The following CNTNAP2 variants were observed in gnomAD, a reference collection of about 807,000 sequenced individuals.
CNTNAP2 encodes contactin associated protein 2, also known as contactin-associated protein-like 2.
CNTNAP2 carries 98 observed loss-of-function variants against 155.2 expected under a neutral mutation model. The ratio of observed to expected loss-of-function variants is 0.63; its 90% CI spans 0.54 to 0.75. CNTNAP2 has a LOEUF of 0.75. Among genes scored for constraint, CNTNAP2 ranks in the 30% least tolerant of loss-of-function variants. The pLI is 0.00. For synonymous variants in CNTNAP2, 651 were observed against 631.2 expected (o/e 1.03, Z -0.47); for missense variants, 1,727 against 1,688.1 (o/e 1.02, Z -0.40).
At chr7:147,060,788 T>A (rs111313677) in intron 4 of CNTNAP2, among the ~76,000 whole-genome samples, 1 of 151,290 alleles carries the variant, frequency 6.6e-6, no homozygotes, top group Non-Finnish European at 1.5e-5. Context: ...GGCGTGAACC[T>A]GGGAGGCGGA....
intron 8 of CNTNAP2, among the ~76,000 whole-genome samples, chr7:147,231,435 T>G (rs1252701714): frequency 6.6e-6 from 1 of 152,242 alleles, no homozygotes; most frequent in Non-Finnish European, 1.5e-5. Flanking sequence ...TTTTATTTCC[T>G]TTTGATATAT....
intron 1 of CNTNAP2, among the ~76,000 whole-genome samples, chr7:146,299,416 T>G (rs1355868710): frequency 6.6e-6 from 1 of 152,138 alleles, no homozygotes; most frequent in African/African-American, 2.4e-5. Context: ...TTTATTTATT[T>G]TAGAGTTGGA....
chr7:147,392,994 C>T (rs1313313274), intron 9 of CNTNAP2, among the ~76,000 whole-genome samples: 1 of 151,966 alleles, frequency 6.6e-6, no homozygotes, highest in Admixed American at 6.6e-5. Context: ...ATTACCTCTC[C>T]TGGGCCACTC....
intron 3 of CNTNAP2, among the ~76,000 whole-genome samples, chr7:146,945,774 T>G (rs374707108): frequency 2.5e-4 from 38 of 152,350 alleles, no homozygotes; most frequent in African/African-American, 9.1e-4. Flanking sequence ...AAATCCATGT[T>G]GGAAATGTAA....
chr7:148,214,035 G>A (rs935356275), intron 18 of CNTNAP2, among the ~76,000 whole-genome samples: 3 of 152,146 alleles, frequency 2.0e-5, no homozygotes, highest in African/African-American at 4.8e-5. Context: ...CTTCATCTCC[G>A]CCACCTACCT....
At chr7:147,259,119 A>C (rs1804398658) in intron 8 of CNTNAP2, among the ~76,000 whole-genome samples, 1 of 152,234 alleles carries the variant, frequency 6.6e-6, no homozygotes. Flanking sequence ...TTGTGGTCAG[A>C]AGACATGTAT....
intron 1 of CNTNAP2, among the ~76,000 whole-genome samples, chr7:146,728,372 T>C (rs1182716104): frequency 2.0e-5 from 3 of 152,144 alleles, no homozygotes; most frequent in East Asian, 1.9e-4. Flanking sequence ...TTATCAGATA[T>C]GCAATGGAGA....
chr7:148,247,811 G>A (rs181350419), intron 20 of CNTNAP2, among the ~76,000 whole-genome samples: 42 of 151,128 alleles, frequency 2.8e-4, no homozygotes, highest in African/African-American at 1.0e-3. Context: ...GTGCCACCAC[G>A]CCTGGCTAAT....
intron 1 of CNTNAP2, among the ~76,000 whole-genome samples, chr7:146,687,915 G>T (rs1800630527): frequency 1.3e-5 from 2 of 152,148 alleles, no homozygotes; most frequent in African/African-American, 4.8e-5. Flanking sequence ...GTGTGTGTGA[G>T]TTCAAGTGGT....
chr7:147,251,480 T>C (rs1310983777), intron 8 of CNTNAP2, among the ~76,000 whole-genome samples: 1 of 152,184 alleles, frequency 6.6e-6, no homozygotes, highest in African/African-American at 2.4e-5. Context: ...TGGTTTGCAA[T>C]ATTGTCTGAC....
chr7:146,121,205 T>C (rs1015486252), intron 1 of CNTNAP2, among the ~76,000 whole-genome samples: 1 of 138,152 alleles, frequency 7.2e-6, no homozygotes, highest in Admixed American at 8.0e-5. Context: ...CTCAGTTCAC[T>C]GCAAGCTCCG....
chr7:147,269,504 G>A (rs1305420750), intron 8 of CNTNAP2, among the ~76,000 whole-genome samples: 2 of 152,062 alleles, frequency 1.3e-5, no homozygotes, highest in African/African-American at 2.4e-5. Context: ...ATGTGCAACC[G>A]ACTGCAATAG....
At chr7:147,978,690 T>G (rs1285309826) in intron 15 of CNTNAP2, among the ~76,000 whole-genome samples, 1 of 152,126 alleles carries the variant, frequency 6.6e-6, no homozygotes, top group Non-Finnish European at 1.5e-5. Flanking sequence ...GTGACATGGT[T>G]GCACTGTGGG....
chr7:147,764,185 T>G (rs1483233611), intron 13 of CNTNAP2, among the ~76,000 whole-genome samples: 2 of 152,174 alleles, frequency 1.3e-5, no homozygotes, highest in African/African-American at 4.8e-5. Flanking sequence ...AGCTCACAGG[T>G]GGTTCTTGGC....
intron 15 of CNTNAP2, among the ~76,000 whole-genome samples, chr7:148,012,567 A>G (rs1802099659): frequency 6.6e-6 from 1 of 151,620 alleles, no homozygotes; most frequent in African/African-American, 2.4e-5. Context: ...AAGTGTTTTT[A>G]CCACAATAAA....
intron 1 of CNTNAP2, among the ~76,000 whole-genome samples, chr7:146,134,934 T>A (rs1460828566): frequency 6.6e-6 from 1 of 151,600 alleles, no homozygotes; most frequent in East Asian, 1.9e-4. Context: ...ATAAAATGAG[T>A]TAGGGAGGAT....
rs1179916622 is a variant in CNTNAP2, at chr7:147,775,374, T to A, written c.2099-128191T>A. ...TTATATATATTTATAAATATATATA[T>A]ATTTATATATATTTATAAATATATA... On this transcript the variant is annotated intron_variant, in intron 13 of 23. Coordinates refer to ENST00000361727, the MANE Select transcript of CNTNAP2 (RefSeq NM_014141.6). 9.5e-5 allele frequency among the ~76,000 whole-genome samples: 9 copies of A among 94,516 alleles called. 2 individuals are homozygous for A. The highest frequency in any genetic ancestry group is 1.3e-4 in the Non-Finnish European group (7 of 52,152). 62.0% of individuals were successfully genotyped at this position (94,516 alleles called of 152,430 possible).
At chr7:147,414,337 T>C (rs1797151778) in intron 10 of CNTNAP2, among the ~76,000 whole-genome samples, 1 of 151,148 alleles carries the variant, frequency 6.6e-6, no homozygotes, top group African/African-American at 2.4e-5. Context: ...GGCAGGAGAA[T>C]TGCTTGTACC....
intron 3 of CNTNAP2, among the ~76,000 whole-genome samples, chr7:146,840,505 A>C (rs1803701344): frequency 6.6e-6 from 1 of 152,188 alleles, no homozygotes; most frequent in African/African-American, 2.4e-5. Flanking sequence ...TTTAACAGTA[A>C]AATTTAAGTG....
Sources: allele counts gnomAD v4.1 joint callset (sites outside exome capture counted in the v4.1 genomes callset), GRCh38; gene constraint gnomAD v4.1.1; transcripts MANE v1.5; gene names NCBI Gene and HGNC (gene_info 2026-07-23, HGNC 2026-07-21).